Variants in BCL2L15 observed in about 807,000 individuals in gnomAD.
BCL2L15 encodes the protein bcl-2-like protein 15.
In BCL2L15, 15 loss-of-function variants were observed where a neutral mutation model predicts 18.3. That is an observed-to-expected ratio of 0.82 (90% confidence interval 0.55 to 1.26). BCL2L15 has a LOEUF of 1.26. Among genes scored for constraint, BCL2L15 ranks in the 50% most tolerant of loss-of-function variants. The pLI is 0.00. For missense variants in BCL2L15, 180 were observed against 201.7 expected, an observed-to-expected ratio of 0.89 and a Z score of 0.65; for synonymous variants, 58 against 68.5, an observed-to-expected ratio of 0.85 and a Z score of 0.76.
chr1:113,881,700 G>A, intron 3 of BCL2L15, 73 bp downstream of exon 3: 1 of 1,494,356 alleles, frequency 6.7e-7, no homozygotes, highest in Non-Finnish European at 9.0e-7. Context: ...AAAGGGTCAT[G>A]AATTGGAATC....
At position 113,881,109 on chromosome 1, in the gene BCL2L15, A is replaced by T; in HGVS notation, c.*14T>A. ...AAGGAAGTGATGTTCAGTCTCGTGAATAGCTCCAACTCTTCAGCTCTCCAG... is the reference window on the plus strand; with the variant it reads ...AAGGAAGTGATGTTCAGTCTCGTGATTAGCTCCAACTCTTCAGCTCTCCAG... On this transcript the variant is annotated 3_prime_UTR_variant, in exon 4 of 4. Transcript: ENST00000393316. The T allele has an allele frequency of 6.2e-7, 1 of 1,614,198 alleles. No individual in the cohort carries two copies. The highest frequency in any genetic ancestry group is 8.5e-7 in the Non-Finnish European group (1 of 1,180,018).
At chr1:113,881,680 CA>C in intron 3 of BCL2L15, 92 bp downstream of exon 3, 3 of 1,457,408 alleles carry the variant, frequency 2.1e-6, no homozygotes, top group Non-Finnish European at 2.7e-6. Context: ...TGTTGGTTTC[CA>C]ATTTACAAAA....
Position 113,880,794 on chromosome 1 carries a change from A to AT in BCL2L15, c.*328dup, listed in dbSNP as rs1666857870. On this transcript the variant is annotated 3_prime_UTR_variant, in exon 4 of 4. Transcript: ENST00000393316. The stretch of plus-strand genomic sequence containing the variant: ...CCAGCAAAGGCCTGCCCTGTTGCTT[A>AT]TAATTCCACTACTAACAAGTCATTA... The AT allele has an allele frequency of 3.1e-6, 1 of 319,650 alleles. No individual in the cohort carries two copies. Among genetic ancestry groups the AT allele is most frequent in the African/African-American group, 2.1e-5 (1 of 46,710 alleles). 19.8% of individuals were successfully genotyped at this position (319,650 alleles called of 1,614,324 possible). A position where few individuals can be genotyped will look rare whatever the true frequency, so the allele number is the denominator to read the frequency against.
intron 3 of BCL2L15, 133 bp from the exon 4 acceptor site, chr1:113,881,273 A>G (rs1666872130): frequency 7.4e-7 from 1 of 1,352,658 alleles, no homozygotes; most frequent in Non-Finnish European, 1.0e-6. Flanking sequence ...CTGTAAATGG[A>G]AAGGAGTGCT....
intron 3 of BCL2L15, 99 bp downstream of exon 3, chr1:113,881,674 G>T: frequency 6.9e-7 from 1 of 1,451,444 alleles, no homozygotes; most frequent in Non-Finnish European, 9.1e-7. Flanking sequence ...TTTTCCTGTT[G>T]GTTTCCAATT....
chr1:113,881,889 G>C lies in BCL2L15; in HGVS notation c.358C>G (p.Leu120Val). The C allele has an allele frequency of 6.2e-7, 1 of 1,614,214 alleles. No homozygotes were observed. The change falls in exon 3 of 4, where the codon CTT (leucine) becomes GTT (valine). Residue 120 changes from leucine to valine, a missense_variant. Transcript: ENST00000393316. ...RAFLAVSVKLLEYMAHIAPEV... is the reference protein window; with the variant it reads ...RAFLAVSVKLVEYMAHIAPEV... ...GGAGCAATGTGAGCCATGTACTCAA[G>C]AAGTTTCACTGACACTGCCAGAAAA...
rs1220267908 is a variant in BCL2L15 at position 113,877,501 on chromosome 1, G to A, written c.*3622C>T. The stretch of plus-strand genomic sequence containing the variant: ...CAAAAGTTCCACTGAAGGACTTTAA[G>A]AGAATGGCATTCAAAGCAATGCTTT... On this transcript the variant is annotated 3_prime_UTR_variant, in exon 4 of 4. Transcript: ENST00000393316. Among the ~76,000 whole-genome samples, 1 of 152,094 alleles carries A rather than the reference G, an allele frequency of 6.6e-6. No homozygotes were observed. Among genetic ancestry groups the A allele is most frequent in the East Asian group, 1.9e-4 (1 of 5,202 alleles).
intron 2 of BCL2L15, among the ~76,000 whole-genome samples, chr1:113,884,385 G>A (rs761044451): frequency 6.6e-6 from 1 of 152,178 alleles, no homozygotes; most frequent in Non-Finnish European, 1.5e-5. Context: ...GAAAATCAAG[G>A]AAAGACTAAG....
At chr1:113,882,812 T>TG (rs1487830204) in intron 2 of BCL2L15, among the ~76,000 whole-genome samples, 1 of 151,774 alleles carries the variant, frequency 6.6e-6, no homozygotes, top group African/African-American at 2.4e-5. Flanking sequence ...TGGTAGCACA[T>TG]GCCTGTAGTC....
rs1666860046 is a variant in BCL2L15, at chr1:113,880,908, G to A, written c.*215C>T. 3 of 591,274 alleles carry A rather than the reference G, an allele frequency of 5.1e-6. No individual in the cohort carries two copies. The highest frequency in any genetic ancestry group is 2.7e-5 in the African/African-American group (1 of 37,596). The allele number at this position is 591,274 out of a possible 1,614,324, so 36.6% of individuals were successfully genotyped here. A position where few individuals can be genotyped will look rare whatever the true frequency, so the allele number is the denominator to read the frequency against. On this transcript the variant is annotated 3_prime_UTR_variant, in exon 4 of 4. Coordinates refer to ENST00000393316, the MANE Select transcript of BCL2L15 (RefSeq NM_001010922.3). ...AGAAAATCTCTGTGGTTTGCATTAA[G>A]TTGACAAAACAAAACAAAACAAAAA...
intron 2 of BCL2L15, among the ~76,000 whole-genome samples, chr1:113,885,135 T>C (rs569489546): frequency 2.0e-5 from 3 of 151,920 alleles, no homozygotes; most frequent in Non-Finnish European, 4.4e-5. Flanking sequence ...TTTGTATTAT[T>C]AGTAGAGATG....
Position 113,880,906 on chromosome 1 carries a change from A to T in BCL2L15, c.*217T>A. 1.7e-6 allele frequency: 1 copy of T among 586,708 alleles called. No homozygotes were observed. Among genetic ancestry groups the T allele is most frequent in the Non-Finnish European group, 2.9e-6 (1 of 339,272 alleles). The allele number at this position is 586,708 out of a possible 1,614,324, so 36.3% of individuals were successfully genotyped here. ...GTAGAAAATCTCTGTGGTTTGCATT[A>T]AGTTGACAAAACAAAACAAAACAAA... is the stretch of plus-strand genomic sequence containing the variant. On this transcript the variant is annotated 3_prime_UTR_variant, in exon 4 of 4. Coordinates refer to ENST00000393316, the MANE Select transcript of BCL2L15 (RefSeq NM_001010922.3).
At chr1:113,881,574 C>T (rs147665819) in intron 3 of BCL2L15, 199 bp downstream of exon 3, 23 of 1,415,390 alleles carry the variant, frequency 1.6e-5, no homozygotes, top group South Asian at 1.4e-4. Flanking sequence ...TAGCATGACT[C>T]GAGTCCAACA....
At position 113,881,028 on chromosome 1, in the gene BCL2L15, G is replaced by A. The variant is rs955204286; in HGVS notation, c.*95C>T. On this transcript the variant is annotated 3_prime_UTR_variant, in exon 4 of 4. Coordinates refer to ENST00000393316, the MANE Select transcript of BCL2L15 (RefSeq NM_001010922.3). Reference sequence around the variant, plus strand: ...GTTCAGTTCTGATAAAATGAAAAAAGTGCTTTTTTATTTGTTTGTTTGAAT... The same window carrying A: ...GTTCAGTTCTGATAAAATGAAAAAAATGCTTTTTTATTTGTTTGTTTGAAT... 2.6e-6 allele frequency: 4 copies of A among 1,564,828 alleles called. No individual in the cohort carries two copies. The East Asian group carries it at 9.0e-5, about 35-fold the overall frequency.
At chr1:113,886,787 G>A (rs1667049851) in intron 1 of BCL2L15, 129 bp from the exon 2 acceptor site, 1 of 868,348 alleles carries the variant, frequency 1.2e-6, no homozygotes, top group African/African-American at 1.7e-5. Flanking sequence ...GAGCTTAAAT[G>A]TTCTGTCAAC....
In BCL2L15 at chr1:113,880,425, G is replaced by A. The variant is rs572296550; in HGVS notation, c.*698C>T. On this transcript the variant is annotated 3_prime_UTR_variant, in exon 4 of 4. Coordinates refer to ENST00000393316, the MANE Select transcript of BCL2L15 (RefSeq NM_001010922.3). ...GCGAATCACGAGGTCAGGAGATCCA[G>A]ACCATCCTGGCTAACACGGCGAAAC... The A allele has an allele frequency of 2.0e-5, 3 of 152,482 alleles. No individual in the cohort carries two copies. In the South Asian group the frequency reaches 6.2e-4, roughly 32 times the overall value. The allele number at this position is 152,482 out of a possible 1,614,324, so 9.4% of individuals were successfully genotyped here.
rs1199020258 is a variant in BCL2L15, at chr1:113,887,307, C to A, written c.69G>T (p.Leu23Phe). Residue 23 changes from leucine to phenylalanine, a missense_variant, in exon 1 of 4, where the codon TTG (leucine) becomes TTT (phenylalanine). Physicochemically the swap from Leu to Phe is conservative, Grantham distance 22. Transcript: ENST00000393316. ...GGCTGGCAACCTGCAATGTTGGGCT[C>A]AAGAAGTCCATGAGTAGAGTGTTCA... is the stretch of plus-strand genomic sequence containing the variant. ...CIVNTLLMDF[L>F]SPTLQVASRN... 6.2e-7 allele frequency: 1 copy of A among 1,614,176 alleles called. No individual in the cohort carries two copies. The highest frequency in any genetic ancestry group is 2.2e-5 in the East Asian group (1 of 44,886).
chr1:113,878,076 G>GA lies in BCL2L15; in HGVS notation c.*3046dup, dbSNP rs1666770204. 2 of 152,282 alleles carry GA rather than the reference G, an allele frequency of 1.3e-5. No homozygotes were observed. The highest frequency in any genetic ancestry group is 4.8e-5 in the African/African-American group (2 of 41,430). 9.4% of individuals were successfully genotyped at this position (152,282 alleles called of 1,614,324 possible). On this transcript the variant is annotated 3_prime_UTR_variant, in exon 4 of 4. Coordinates refer to ENST00000393316, the MANE Select transcript of BCL2L15 (RefSeq NM_001010922.3). ...GTGAGAGACAGGGTTAATGGAGAGA[G>GA]AAAAAAGTCAAGCTAGAACCTTATG...
chr1:113,881,732 G>A (rs1369946611), intron 3 of BCL2L15, 41 bp downstream of exon 3: 3 of 1,597,190 alleles, frequency 1.9e-6, no homozygotes. Flanking sequence ...TACAAAAACA[G>A]TGCAAATACC....
Sources: allele counts gnomAD v4.1 joint callset (sites outside exome capture counted in the v4.1 genomes callset), GRCh38; gene constraint gnomAD v4.1.1; transcripts MANE v1.5; gene names NCBI Gene and HGNC (gene_info 2026-07-23, HGNC 2026-07-21).